The following CACHD1 variants were observed in gnomAD, a reference collection of about 807,000 sequenced individuals.
CACHD1 encodes the protein cache domain containing 1.
In CACHD1, 71 loss-of-function variants were observed where a neutral mutation model predicts 138.7. The observed-to-expected ratio is 0.51, with a 90% confidence interval of 0.42 to 0.62. CACHD1 has a LOEUF of 0.62. Ranked by LOEUF, CACHD1 falls within the 20% of genes least tolerant of loss-of-function variation. The pLI, the probability that CACHD1 is intolerant of heterozygous loss-of-function variation, is 0.00. For synonymous variants in CACHD1, 578 were observed against 591.5 expected (o/e 0.98, Z 0.33); for missense variants, 1,389 against 1,625.3 (o/e 0.85, Z 2.50).
intron 4 of CACHD1, among the ~76,000 whole-genome samples, chr1:64,611,559 A>G (rs1162671964): frequency 6.6e-6 from 1 of 152,248 alleles, no homozygotes; most frequent in South Asian, 2.1e-4. Flanking sequence ...TTGCCAGGGC[A>G]GAAGCAAAAG....
intron 13 of CACHD1, among the ~76,000 whole-genome samples, chr1:64,661,447 C>T (rs977443008): frequency 2.6e-5 from 4 of 152,178 alleles, no homozygotes; most frequent in East Asian, 1.9e-4. Context: ...TTTTCTAAAA[C>T]GCCAGTCTCT....
At chr1:64,496,121 G>T (rs1018397939) in intron 1 of CACHD1, among the ~76,000 whole-genome samples, 6 of 152,170 alleles carry the variant, frequency 3.9e-5, no homozygotes, top group African/African-American at 1.4e-4. Context: ...GTGACTTGAT[G>T]TATGTTTAGT....
intron 1 of CACHD1, among the ~76,000 whole-genome samples, chr1:64,529,451 C>G (rs1439348939): frequency 6.6e-6 from 1 of 152,158 alleles, no homozygotes; most frequent in Non-Finnish European, 1.5e-5. Context: ...ACGGAGAGCT[C>G]AAAAATGCCC....
chr1:64,527,015 G>C (rs188498615), intron 1 of CACHD1, among the ~76,000 whole-genome samples: 3 of 152,202 alleles, frequency 2.0e-5, no homozygotes, highest in Non-Finnish European at 4.4e-5. Flanking sequence ...CGAGCAGTTC[G>C]GAGTCAGTAG....
At chr1:64,493,740 A>G (rs193063091) in intron 1 of CACHD1, among the ~76,000 whole-genome samples, 29 of 152,114 alleles carry the variant, frequency 1.9e-4, no homozygotes, top group Admixed American at 1.1e-3. Context: ...CTAATTTTAA[A>G]TCCTCCCTCC....
intron 4 of CACHD1, among the ~76,000 whole-genome samples, chr1:64,611,076 C>T (rs753505358): frequency 3.3e-5 from 5 of 152,214 alleles, no homozygotes; most frequent in Non-Finnish European, 7.3e-5. Context: ...CCCTTTTAGC[C>T]ATGGCTGGAG....
chr1:64,552,475 T>TG (rs924242131), intron 2 of CACHD1, among the ~76,000 whole-genome samples: 8 of 150,292 alleles, frequency 5.3e-5, no homozygotes, highest in African/African-American at 1.9e-4. Flanking sequence ...TGTTTTGTTT[T>TG]TTTTTTTTTT....
rs1022489233 is a variant in CACHD1, at chr1:64,679,578, T to A, written c.3245-17T>A. 1.2e-6 allele frequency: 2 copies of A among 1,612,904 alleles called. No individual in the cohort carries two copies. Among genetic ancestry groups the A allele is most frequent in the South Asian group, 1.1e-5 (1 of 90,770 alleles). ...GGAAATCTTAACAAGAAACATCTTC[T>A]TGCTCTTTCACTGAAGGTGATGAGG... is the stretch of plus-strand genomic sequence containing the variant. On this transcript the variant is annotated splice_polypyrimidine_tract_variant and intron_variant, in intron 23 of 26. Transcript: ENST00000651257.
chr1:64,661,774 A>G (rs75510908), intron 13 of CACHD1, among the ~76,000 whole-genome samples: 3,407 of 152,264 alleles, frequency 0.022, 137 homozygotes, highest in African/African-American at 0.077. Flanking sequence ...TTGGTTAATT[A>G]ATATAATAAT....
At chr1:64,490,304 G>A (rs1646267910) in intron 1 of CACHD1, among the ~76,000 whole-genome samples, 1 of 152,168 alleles carries the variant, frequency 6.6e-6, no homozygotes, top group Non-Finnish European at 1.5e-5. Context: ...TTAAAAGATG[G>A]AGGGCTGTTT....
In CACHD1 at chr1:64,602,896, A is replaced by G; in HGVS notation, c.501A>G (p.Gly167=). 6.2e-7 allele frequency: 1 copy of G among 1,611,574 alleles called. No individual in the cohort carries two copies. Residue 167 remains glycine (G), a synonymous_variant, in exon 4 of 27, where the codon GGA becomes GGG. Coordinates refer to ENST00000651257, the MANE Select transcript of CACHD1 (RefSeq NM_020925.4). Reference sequence around the variant, plus strand: ...TTAATAGCCGGGCCTTCAATCCAGGACGAGACTTAAATTCAGGTCAGTAAT... The same window carrying G: ...TTAATAGCCGGGCCTTCAATCCAGGGCGAGACTTAAATTCAGGTCAGTAAT... ...TTVNSRAFNP[G]RDLNSVLADN...
rs554001387 is a variant in CACHD1 at position 64,608,828 on chromosome 1, T to C, written c.517+5916T>C. Reference sequence around the variant, plus strand: ...TGCATGGCCTGATCCCTAAAGAGAGTTTATTTGAAGAGTCCAAGAGAAGTT... The same window carrying C: ...TGCATGGCCTGATCCCTAAAGAGAGCTTATTTGAAGAGTCCAAGAGAAGTT... On this transcript the variant is annotated intron_variant, in intron 4 of 26. Transcript: ENST00000651257. Among the ~76,000 whole-genome samples, 7 of 152,140 alleles carry C rather than the reference T, an allele frequency of 4.6e-5. No homozygotes were observed. In the South Asian group the frequency reaches 1.5e-3, roughly 32 times the overall value.
intron 2 of CACHD1, among the ~76,000 whole-genome samples, chr1:64,573,669 A>G (rs1646944142): frequency 6.6e-6 from 1 of 152,216 alleles, no homozygotes; most frequent in South Asian, 2.1e-4. Flanking sequence ...GGCATGTGAC[A>G]TTAACATCTT....
At chr1:64,658,602 G>T in intron 12 of CACHD1, 103 bp from the exon 13 acceptor site, 1 of 737,388 alleles carries the variant, frequency 1.4e-6, no homozygotes, top group Non-Finnish European at 2.1e-6. Flanking sequence ...TACCTTCCAC[G>T]TGAAGATAGA....
chr1:64,648,701 G>A (rs1272697962), intron 9 of CACHD1, among the ~76,000 whole-genome samples: 1 of 151,904 alleles, frequency 6.6e-6, no homozygotes, highest in South Asian at 2.1e-4. Flanking sequence ...CAGCATCACC[G>A]TCATCCTGAT....
chr1:64,625,923 A>G (rs933399274), intron 4 of CACHD1, among the ~76,000 whole-genome samples: 1 of 152,216 alleles, frequency 6.6e-6, no homozygotes, highest in African/African-American at 2.4e-5. Context: ...AAGCTGTCAC[A>G]TGCAGATGCC....
intron 17 of CACHD1, 79 bp from the exon 18 acceptor site, chr1:64,673,079 A>G: frequency 8.5e-7 from 1 of 1,180,020 alleles, no homozygotes; most frequent in African/African-American, 1.5e-5. Context: ...AGGGCTAGCA[A>G]GATAAATGCT....
intron 1 of CACHD1, among the ~76,000 whole-genome samples, chr1:64,500,616 G>A (rs1207180812): frequency 1.3e-5 from 2 of 151,500 alleles, no homozygotes; most frequent in African/African-American, 4.9e-5. Context: ...ACTTGAAGAA[G>A]TCGAGGCGGG....
intron 8 of CACHD1, 140 bp downstream of exon 8, chr1:64,642,109 C>A (rs1648738145): frequency 1.6e-6 from 1 of 624,514 alleles, no homozygotes; most frequent in Non-Finnish European, 2.5e-6. Flanking sequence ...CTTTCTCTAC[C>A]TGATGTTGGT....
Sources: allele counts gnomAD v4.1 joint callset (sites outside exome capture counted in the v4.1 genomes callset), GRCh38; gene constraint gnomAD v4.1.1; transcripts MANE v1.5; gene names NCBI Gene and HGNC (gene_info 2026-07-23, HGNC 2026-07-21).